Variants in MTERF4 observed in about 807,000 individuals in gnomAD.
MTERF4 encodes transcription termination factor 4, mitochondrial.
A neutral mutation model predicts 22.5 loss-of-function variants in MTERF4; 17 were observed. The ratio of observed to expected loss-of-function variants is 0.75; its 90% CI spans 0.52 to 1.13. The LOEUF is 1.13. MTERF4 is among the 50% of genes most tolerant of loss of function. MTERF4 has a pLI of 0.00. For missense variants in MTERF4, 420 were observed against 466.8 expected, an observed-to-expected ratio of 0.90 and a Z score of 0.92; for synonymous variants, 165 against 175.3, an observed-to-expected ratio of 0.94 and a Z score of 0.47.
At position 241,097,254 on chromosome 2, in the gene MTERF4, AT is replaced by A. The variant is rs1464591811; in HGVS notation, c.693del (p.Glu231AspfsTer19). ...TCAGTCATTCTCACCTGAAACTTGT[AT>A]TCCAGTTGACCCAGGTCCTCTCGAA... ...SVLREDLGQL[E>X]YKFQYAYFRM... On this transcript the variant is annotated frameshift_variant, in exon 3 of 4. Transcript: ENST00000391980. LOFTEE classifies it low-confidence loss of function (END_TRUNC). 3 of 1,613,932 alleles carry A rather than the reference AT, an allele frequency of 1.9e-6. No individual in the cohort carries two copies. The highest frequency in any genetic ancestry group is 2.5e-6 in the Non-Finnish European group (3 of 1,179,900).
chr2:241,067,542 T>G (rs1026613153), downstream of MTERF4, among the ~76,000 whole-genome samples: 3 of 152,182 alleles, frequency 2.0e-5, no homozygotes, highest in Non-Finnish European at 4.4e-5. Flanking sequence ...CAGCGGGCTC[T>G]GCAGCCGTCA....
chr2:241,073,239 G>T lies in MTERF4; in HGVS notation n.2923C>A. On this transcript the variant is annotated non_coding_transcript_exon_variant, in exon 5 of 5. Transcript: ENST00000464344. The surrounding 1 kb of genome is among the most constrained non-coding windows in gnomAD (Gnocchi z 6.6). ...ATCCCGGGTGCAAAGCAGCTGCGCCGTGTGGTCACCGCCTGGCTTCTCCTA... is the reference window on the plus strand; with the variant it reads ...ATCCCGGGTGCAAAGCAGCTGCGCCTTGTGGTCACCGCCTGGCTTCTCCTA... The T allele has an allele frequency of 1.3e-6, 2 of 1,526,484 alleles. No homozygotes were observed. Among genetic ancestry groups the T allele is most frequent in the Non-Finnish European group, 1.8e-6 (2 of 1,125,172 alleles). 94.6% of individuals were successfully genotyped at this position (1,526,484 alleles called of 1,614,324 possible).
the MTERF4 span, among the ~76,000 whole-genome samples, chr2:241,046,988 C>A: frequency 6.6e-6 from 1 of 151,696 alleles, no homozygotes; most frequent in Non-Finnish European, 1.5e-5. Flanking sequence ...ACTAAAAATA[C>A]AAAAATTAGC....
At chr2:241,063,740 G>A in the MTERF4 span, 532 of 1,393,518 alleles carry the variant, frequency 3.8e-4, 2 homozygotes, top group African/African-American at 6.7e-3. Context: ...GCAGAGCCTG[G>A]GCCTCTGGAA....
chr2:241,061,544 G>A, the MTERF4 span, among the ~76,000 whole-genome samples: 6 of 152,090 alleles, frequency 3.9e-5, no homozygotes, highest in South Asian at 2.1e-4. Flanking sequence ...AAAACTTCAC[G>A]TCTGCACCAG....
chr2:241,080,014 G>A (rs1435104657), intron 4 of MTERF4, among the ~76,000 whole-genome samples: 1 of 152,204 alleles, frequency 6.6e-6, no homozygotes, highest in African/African-American at 2.4e-5. Flanking sequence ...GCTGGGCGCA[G>A]TGGCTCACAC....
At chr2:241,074,580 T>G (rs2062930607) in exon 5 of MTERF4, 1 of 152,192 alleles carries the variant, frequency 6.6e-6, no homozygotes, top group Non-Finnish European at 1.5e-5. Context: ...AGATTCAAGA[T>G]GACCCCCGGG....
Position 241,073,147 on chromosome 2 carries a change from TG to T in MTERF4, n.3014del. 1.4e-6 allele frequency: 1 copy of T among 713,980 alleles called. No individual in the cohort carries two copies. The highest frequency in any genetic ancestry group is 2.3e-6 in the Non-Finnish European group (1 of 428,108). 44.2% of individuals were successfully genotyped at this position (713,980 alleles called of 1,614,324 possible). A position where few individuals can be genotyped will look rare whatever the true frequency, so the allele number is the denominator to read the frequency against. ...AGGTGCTGGGGCCACGCAGGGAGCC[TG>T]GTCCCCACCAGGGACATCCGTGCTC... On this transcript the variant is annotated non_coding_transcript_exon_variant, in exon 5 of 5. Transcript: ENST00000464344. This position sits in a 1 kb window ranked among gnomAD's most constrained non-coding sequence, Gnocchi z 6.6.
In MTERF4 at chr2:241,097,296, T is replaced by G; in HGVS notation, c.652A>C (p.Ser218Arg). Residue 218 changes from serine to arginine, a missense_variant, in exon 3 of 4, where the codon AGT (serine) becomes CGT (arginine). Ser to Arg is a moderately radical substitution (Grantham distance 110). Transcript: ENST00000391980. Reference sequence around the variant, plus strand: ...TCCTCTCGAAGAACAGAGGGGCAACTGTGCAAAATCTTGGTGACTTGCTGT... The same window carrying G: ...TCCTCTCGAAGAACAGAGGGGCAACGGTGCAAAATCTTGGTGACTTGCTGT... ...TVQQVTKILH[S>R]CPSVLREDLG... 6.2e-7 allele frequency: 1 copy of G among 1,614,222 alleles called. No individual in the cohort carries two copies. The highest frequency in any genetic ancestry group is 8.5e-7 in the Non-Finnish European group (1 of 1,180,028).
chr2:241,067,704 C>A (rs1045325970), downstream of MTERF4: 14 of 1,465,672 alleles, frequency 9.6e-6, no homozygotes, highest in Non-Finnish European at 1.2e-5. Flanking sequence ...ATCTTGAGCC[C>A]CTGCACTCCC....
Position 241,099,682 on chromosome 2 carries a change from AAGG to A in MTERF4, c.231_233del (p.Leu78del). The A allele has an allele frequency of 6.2e-7, 1 of 1,614,138 alleles. No individual in the cohort carries two copies. Among genetic ancestry groups the A allele is most frequent in the South Asian group, 1.1e-5 (1 of 91,080 alleles). ...GTACCACAGGAGTCCCCTGCTTCTC[AAGG>A]AGGCACTGAACAAGATTCCTCCTGC... On this transcript the variant is annotated inframe_deletion, in exon 2 of 4. Transcript: ENST00000391980.
chr2:241,087,647 A>G (rs2063653198), downstream of MTERF4: 6 of 1,426,088 alleles, frequency 4.2e-6, no homozygotes, highest in Non-Finnish European at 5.5e-6. Context: ...GTATGTCCAT[A>G]TATGTGCATG....
At chr2:241,074,486 C>T (rs1203438021) in exon 5 of MTERF4, 1 of 152,272 alleles carries the variant, frequency 6.6e-6, no homozygotes, top group East Asian at 1.9e-4. Flanking sequence ...ATTATGTCAG[C>T]CCCTTTAAAT....
intron 2 of MTERF4, among the ~76,000 whole-genome samples, chr2:241,098,884 T>C (rs1457903198): frequency 6.6e-6 from 1 of 152,124 alleles, no homozygotes; most frequent in Non-Finnish European, 1.5e-5. Flanking sequence ...TGGCACTCAA[T>C]TTTTTCTTCT....
chr2:241,047,389 C>G, the MTERF4 span, among the ~76,000 whole-genome samples: 2 of 151,976 alleles, frequency 1.3e-5, no homozygotes, highest in African/African-American at 4.8e-5. Context: ...GAAATAGGTC[C>G]ATAATTATTG....
downstream of MTERF4, chr2:241,071,333 G>C (rs2062703127): frequency 1.7e-5 from 10 of 587,724 alleles, no homozygotes; most frequent in South Asian, 1.8e-4. Flanking sequence ...TCCCAGGCCA[G>C]TGCACGCCTG....
chr2:241,085,613 T>C (rs895201097), downstream of MTERF4, among the ~76,000 whole-genome samples: 1 of 152,208 alleles, frequency 6.6e-6, no homozygotes, highest in Admixed American at 6.5e-5. Context: ...TGGGTCACTT[T>C]TTTGATTATT....
At chr2:241,046,327 C>G in the MTERF4 span, among the ~76,000 whole-genome samples, 14 of 152,266 alleles carry the variant, frequency 9.2e-5, no homozygotes, top group African/African-American at 3.4e-4. Flanking sequence ...GAGATGAAAA[C>G]TTATGTTTAC....
chr2:241,068,820 A>C (rs1242346480), downstream of MTERF4: 28 of 864,990 alleles, frequency 3.2e-5, no homozygotes, highest in East Asian at 7.6e-4. The surrounding 1 kb of genome is among the most constrained non-coding windows in gnomAD (Gnocchi z 5.3). Flanking sequence ...CCCCGCAGTC[A>C]CCTCCTGCCT....
Sources: gnomAD v4.1 joint callset for allele counts (sites outside exome capture counted in the v4.1 genomes callset) on GRCh38, gnomAD v4.1.1 for gene constraint, Gnocchi (gnomAD v3.1) non-coding constraint, MANE v1.5 for transcripts, NCBI Gene and HGNC (gene_info 2026-07-23, HGNC 2026-07-21) for gene names.